The following PCDH9 variants were observed in gnomAD, a reference collection of about 807,000 sequenced individuals.
PCDH9 encodes protocadherin 9.
PCDH9 carries 24 observed loss-of-function variants against 70.6 expected under a neutral mutation model. The ratio of observed to expected loss-of-function variants is 0.34; its 90% CI spans 0.25 to 0.48. The LOEUF (loss-of-function observed/expected upper bound fraction) is 0.48, where lower values mean the gene tolerates loss of function less well. Among genes scored for constraint, PCDH9 ranks in the 20% least tolerant of loss-of-function variants. PCDH9 has a pLI of 0.99. For missense variants in PCDH9, 1,281 were observed against 1,503.6 expected (o/e 0.85, Z 2.45); for synonymous variants, 562 against 558.5 (o/e 1.01, Z -0.09).
chr13:66,307,252 T>C (rs1227795320), intron 4 of PCDH9, among the ~76,000 whole-genome samples: 1 of 152,004 alleles, frequency 6.6e-6, no homozygotes, highest in African/African-American at 2.4e-5. Flanking sequence ...TGAAAATTGA[T>C]GGAAAAAAAA....
chr13:66,947,287 C>T (rs1274083006), intron 2 of PCDH9, among the ~76,000 whole-genome samples: 1 of 152,004 alleles, frequency 6.6e-6, no homozygotes, highest in Non-Finnish European at 1.5e-5. Context: ...CTAAAAATAG[C>T]CATATAATAA....
chr13:66,839,158 G>GAT (rs754982693), intron 3 of PCDH9, among the ~76,000 whole-genome samples: 103 of 150,970 alleles, frequency 6.8e-4, no homozygotes, highest in Non-Finnish European at 7.5e-4. Context: ...AATATTCTGA[G>GAT]ATATATATAT....
At chr13:66,963,283 A>G (rs1409220150) in intron 2 of PCDH9, among the ~76,000 whole-genome samples, 1 of 152,200 alleles carries the variant, frequency 6.6e-6, no homozygotes, top group Non-Finnish European at 1.5e-5. Context: ...GGAGACTCCT[A>G]TAACAGATCA....
chr13:66,947,568 G>T (rs2139695200), intron 2 of PCDH9, among the ~76,000 whole-genome samples: 1 of 152,212 alleles, frequency 6.6e-6, no homozygotes, highest in South Asian at 2.1e-4. Flanking sequence ...ACTGTTTGTT[G>T]GTGGAAGATG....
chr13:66,468,191 C>A (rs1381224934), intron 4 of PCDH9, among the ~76,000 whole-genome samples: 1 of 152,046 alleles, frequency 6.6e-6, no homozygotes, highest in Non-Finnish European at 1.5e-5. Flanking sequence ...AATACCACCA[C>A]CATGGTATTT....
intron 3 of PCDH9, among the ~76,000 whole-genome samples, chr13:66,735,176 T>C (rs1332209996): frequency 1.3e-5 from 2 of 152,214 alleles, no homozygotes; most frequent in Admixed American, 6.5e-5. Context: ...TATCAGCTAA[T>C]TAGGGCAGCT....
At chr13:66,902,311 C>A (rs1441667009) in intron 3 of PCDH9, among the ~76,000 whole-genome samples, 4 of 151,606 alleles carry the variant, frequency 2.6e-5, no homozygotes, top group African/African-American at 9.7e-5. Context: ...GGGGATAGAG[C>A]TGTTCGAAAT....
intron 2 of PCDH9, chr13:66,977,600 G>A (rs549288400): frequency 6.6e-5 from 10 of 152,152 alleles, no homozygotes; most frequent in Middle Eastern, 3.4e-3. Context: ...CTGGCTTTCC[G>A]AGCAGGTGTC....
intron 4 of PCDH9, among the ~76,000 whole-genome samples, chr13:66,549,580 C>T (rs1457274246): frequency 2.0e-5 from 3 of 151,986 alleles, no homozygotes; most frequent in Non-Finnish European, 2.9e-5. Flanking sequence ...CACTGCTGCT[C>T]AGTTAAACCT....
chr13:66,633,826 G>A (rs547831557), intron 3 of PCDH9, among the ~76,000 whole-genome samples: 2 of 152,146 alleles, frequency 1.3e-5, no homozygotes, highest in Non-Finnish European at 2.9e-5. Flanking sequence ...AGTTAACACT[G>A]TTTTAATGAC....
At chr13:67,122,237 C>T (rs568865278) in intron 2 of PCDH9, among the ~76,000 whole-genome samples, 9 of 152,000 alleles carry the variant, frequency 5.9e-5, no homozygotes, top group South Asian at 2.1e-4. Flanking sequence ...AAATATAAAT[C>T]GTTCATTGTA....
intron 3 of PCDH9, among the ~76,000 whole-genome samples, chr13:66,732,195 T>C (rs569357850): frequency 2.0e-5 from 3 of 152,124 alleles, no homozygotes; most frequent in East Asian, 3.9e-4. Flanking sequence ...TTGATACCTG[T>C]GTAAGATGTG....
chr13:66,600,639 T>C lies in PCDH9; in HGVS notation c.3340+30571A>G, dbSNP rs562435340. ...ATATTGTCATATCTGTTTTGTGCTTTATATTTTATTAACAGTAATTATGGA... is the reference window on the plus strand; with the variant it reads ...ATATTGTCATATCTGTTTTGTGCTTCATATTTTATTAACAGTAATTATGGA... On this transcript the variant is annotated intron_variant, in intron 4 of 4. Transcript: ENST00000377865. Among the ~76,000 whole-genome samples the C allele has an allele frequency of 6.8e-5, 10 of 147,598 alleles. No individual in the cohort carries two copies. The South Asian group carries it at 2.1e-3, about 32-fold the overall frequency.
chr13:66,823,260 A>G (rs1030466760), intron 3 of PCDH9, among the ~76,000 whole-genome samples: 2 of 152,032 alleles, frequency 1.3e-5, no homozygotes, highest in Non-Finnish European at 2.9e-5. Flanking sequence ...TTAGCTGTCC[A>G]TAAATATTAA....
At chr13:67,112,681 CGCT>C in intron 2 of PCDH9, among the ~76,000 whole-genome samples, 1 of 151,374 alleles carries the variant, frequency 6.6e-6, no homozygotes, top group African/African-American at 2.4e-5. Flanking sequence ...CTTCCTCCCT[CGCT>C]CCCTTCTTCC....
Position 66,748,960 on chromosome 13 carries a change from T to A in PCDH9, c.3139-117549A>T, listed in dbSNP as rs529090732. 6.6e-5 allele frequency among the ~76,000 whole-genome samples: 10 copies of A among 152,164 alleles called. No individual in the cohort carries two copies. In the South Asian group the frequency reaches 2.1e-3, roughly 32 times the overall value. ...CCCATGCTGTTCTCATGATAATGAG[T>A]AAGTACTCAAGATATCTGATGTGGT... On this transcript the variant is annotated intron_variant, in intron 3 of 4. Transcript: ENST00000377865.
chr13:66,554,687 T>C (rs1326901661), intron 4 of PCDH9, among the ~76,000 whole-genome samples: 3 of 152,096 alleles, frequency 2.0e-5, no homozygotes, highest in African/African-American at 4.8e-5. Context: ...TCTTAGCCAA[T>C]AGCATTAAGA....
chr13:66,709,708 A>G (rs1284226268), intron 3 of PCDH9, among the ~76,000 whole-genome samples: 10 of 152,208 alleles, frequency 6.6e-5, no homozygotes, highest in African/African-American at 2.2e-4. Flanking sequence ...GTAACATGGG[A>G]ATCATATGCT....
At chr13:67,040,537 A>G (rs548941873) in intron 2 of PCDH9, among the ~76,000 whole-genome samples, 2 of 152,268 alleles carry the variant, frequency 1.3e-5, no homozygotes, top group Middle Eastern at 3.4e-3. Flanking sequence ...AACCTGCAAG[A>G]GGGCCCTCAT....
Sources: allele counts gnomAD v4.1 joint callset (sites outside exome capture counted in the v4.1 genomes callset), GRCh38; gene constraint gnomAD v4.1.1; transcripts MANE v1.5; gene names NCBI Gene and HGNC (gene_info 2026-07-23, HGNC 2026-07-21).